The following ZBTB20 variants were observed in gnomAD, a reference collection of about 807,000 sequenced individuals.
The protein encoded by ZBTB20 is zinc finger and BTB domain containing 20, also known as zinc finger and BTB domain-containing protein 20.
Under a neutral mutation model 56.9 loss-of-function variants are expected in ZBTB20, and 9 were observed. The ratio of observed to expected loss-of-function variants is 0.16; its 90% CI spans 0.10 to 0.28. The LOEUF is 0.28. Ranked by LOEUF, ZBTB20 falls within the 10% of genes least tolerant of loss-of-function variation. The pLI is 1.00. For synonymous variants in ZBTB20, 417 were observed against 420.7 expected, an observed-to-expected ratio of 0.99 and a Z score of 0.11; for missense variants, 655 against 1,003.0, an observed-to-expected ratio of 0.65 and a Z score of 4.69.
intron 7 of ZBTB20, among the ~76,000 whole-genome samples, chr3:114,460,860 C>A (rs1232817879): frequency 6.6e-6 from 1 of 152,178 alleles, no homozygotes; most frequent in African/African-American, 2.4e-5. Context: ...CTGGTTCAAA[C>A]TGAGCTTGTG....
At chr3:114,958,169 T>G (rs1184932514) in intron 3 of ZBTB20, among the ~76,000 whole-genome samples, 1 of 152,218 alleles carries the variant, frequency 6.6e-6, no homozygotes, top group African/African-American at 2.4e-5. Context: ...AGGGAAAAAC[T>G]TCAGGAATTT....
Position 114,656,950 on chromosome 3 carries a change from A to C in ZBTB20, c.-295+36578T>G, listed in dbSNP as rs79540141. On this transcript the variant is annotated intron_variant, in intron 6 of 11. Transcript: ENST00000675478. ...GAGCTACCGCACCGGGCCTGAAAAC[A>C]TATTTTTTTAAAATCCTGAATATAT... Among the ~76,000 whole-genome samples the C allele has an allele frequency of 6.5e-3, 990 of 152,284 alleles. 36 individuals carry two copies. The East Asian group carries it at 0.1, about 16-fold the overall frequency.
chr3:114,775,003 C>T (rs1438401886), intron 5 of ZBTB20, among the ~76,000 whole-genome samples: 1 of 152,146 alleles, frequency 6.6e-6, no homozygotes, highest in Non-Finnish European at 1.5e-5. Context: ...AGTATGCTTG[C>T]TTTGCACCTA....
intron 1 of ZBTB20, among the ~76,000 whole-genome samples, chr3:115,098,210 AT>A (rs1343757085): frequency 6.6e-6 from 1 of 152,162 alleles, no homozygotes; most frequent in Non-Finnish European, 1.5e-5. Flanking sequence ...ATACATGCAC[AT>A]GTATGCACAG....
At chr3:114,584,290 T>A (rs1340077104) in intron 6 of ZBTB20, among the ~76,000 whole-genome samples, 2 of 152,176 alleles carry the variant, frequency 1.3e-5, no homozygotes. Flanking sequence ...CAGAAAAGAT[T>A]TTTATTTTTT....
intron 7 of ZBTB20, among the ~76,000 whole-genome samples, chr3:114,459,837 G>A (rs1001949025): frequency 2.6e-5 from 4 of 152,046 alleles, no homozygotes; most frequent in Non-Finnish European, 5.9e-5. Context: ...TAGAAAACAT[G>A]TTTTAAATTC....
intron 1 of ZBTB20, among the ~76,000 whole-genome samples, chr3:115,079,805 T>C (rs2082732574): frequency 6.6e-6 from 1 of 152,220 alleles, no homozygotes; most frequent in Non-Finnish European, 1.5e-5. Flanking sequence ...AATAATTCAA[T>C]TGCATATTAT....
intron 10 of ZBTB20, among the ~76,000 whole-genome samples, chr3:114,366,078 T>G (rs993819256): frequency 7.2e-5 from 11 of 152,338 alleles, no homozygotes; most frequent in African/African-American, 2.6e-4. Flanking sequence ...ACTCCTAATT[T>G]GTGTAAGCAC....
chr3:114,998,366 AC>A (rs2079112516), intron 2 of ZBTB20, among the ~76,000 whole-genome samples: 1 of 151,758 alleles, frequency 6.6e-6, no homozygotes, highest in African/African-American at 2.4e-5. Context: ...AGAATTTGTG[AC>A]CTCTTTATAT....
intron 7 of ZBTB20, among the ~76,000 whole-genome samples, chr3:114,458,814 T>G (rs2092179651): frequency 6.6e-6 from 1 of 152,140 alleles, no homozygotes; most frequent in South Asian, 2.1e-4. Context: ...TTAATAAGCT[T>G]AGGAAAGTTT....
intron 6 of ZBTB20, among the ~76,000 whole-genome samples, chr3:114,663,734 C>A (rs930846410): frequency 6.6e-6 from 1 of 151,522 alleles, no homozygotes; most frequent in African/African-American, 2.4e-5. Context: ...GCAGGGGTTG[C>A]AATCCTAGTC....
intron 6 of ZBTB20, among the ~76,000 whole-genome samples, chr3:114,558,800 T>C (rs2051610564): frequency 6.6e-6 from 1 of 152,152 alleles, no homozygotes; most frequent in Non-Finnish European, 1.5e-5. Context: ...TCCTGATTCC[T>C]TCTCTGAACA....
intron 5 of ZBTB20, among the ~76,000 whole-genome samples, chr3:114,776,032 C>CTTT (rs11324801): frequency 3.0e-5 from 4 of 135,550 alleles, no homozygotes; most frequent in African/African-American, 8.1e-5. Context: ...AATTTTTTTT[C>CTTT]TTTTTTTTTT....
Position 114,757,484 on chromosome 3 carries a change from G to A in ZBTB20, c.-343+43617C>T, listed in dbSNP as rs541064209. Among the ~76,000 whole-genome samples, 30 of 152,030 alleles carry A rather than the reference G, an allele frequency of 2.0e-4. No homozygotes were observed. The South Asian group carries it at 5.8e-3, about 30-fold the overall frequency. On this transcript the variant is annotated intron_variant, in intron 5 of 11. Transcript: ENST00000675478. Reference sequence around the variant, plus strand: ...TCCTTCCAATTTCTCATAACTCTGTGGTATTCATAATAAAGCAGGCAGATG... The same window carrying A: ...TCCTTCCAATTTCTCATAACTCTGTAGTATTCATAATAAAGCAGGCAGATG...
intron 1 of ZBTB20, among the ~76,000 whole-genome samples, chr3:115,143,815 A>C (rs2084888004): frequency 6.6e-6 from 1 of 152,232 alleles, no homozygotes; most frequent in African/African-American, 2.4e-5. Flanking sequence ...ACAAATAAGA[A>C]ATAAACTAAG....
chr3:115,065,136 T>G (rs1346721675), intron 2 of ZBTB20, among the ~76,000 whole-genome samples: 1 of 152,156 alleles, frequency 6.6e-6, no homozygotes, highest in East Asian at 1.9e-4. Context: ...TTTCCATTTA[T>G]TTGACTTTTT....
intron 4 of ZBTB20, among the ~76,000 whole-genome samples, chr3:114,875,001 C>T (rs1024602762): frequency 6.6e-6 from 1 of 152,138 alleles, no homozygotes; most frequent in African/African-American, 2.4e-5. Flanking sequence ...CTTTCATGTG[C>T]TCATAGTCCT....
chr3:114,884,134 C>A (rs1389291885), intron 4 of ZBTB20, among the ~76,000 whole-genome samples: 1 of 150,920 alleles, frequency 6.6e-6, no homozygotes, highest in African/African-American at 2.4e-5. Context: ...ACCGTTTTAG[C>A]CGGGATGGTG....
intron 2 of ZBTB20, among the ~76,000 whole-genome samples, chr3:115,063,652 AACACACACAC>A (rs67995178): frequency 6.3e-4 from 94 of 149,570 alleles, no homozygotes; most frequent in South Asian, 6.4e-4. Context: ...TTGTCAAAGC[AACACACACAC>A]ACACACACAC....
Sources: allele counts gnomAD v4.1 joint callset (sites outside exome capture counted in the v4.1 genomes callset), GRCh38; gene constraint gnomAD v4.1.1; transcripts MANE v1.5; gene names NCBI Gene and HGNC (gene_info 2026-07-23, HGNC 2026-07-21).